The following NPHP1 variants were observed in gnomAD, a reference collection of about 807,000 sequenced individuals.
The protein encoded by NPHP1 is nephrocystin-1.
A neutral mutation model predicts 90.4 loss-of-function variants in NPHP1; 70 were observed. The ratio of observed to expected loss-of-function variants is 0.77; its 90% CI spans 0.64 to 0.95. The LOEUF (loss-of-function observed/expected upper bound fraction) is 0.95, where lower values mean the gene tolerates loss of function less well. Among genes scored for constraint, NPHP1 ranks in the 40% least tolerant of loss-of-function variants. The probability of loss-of-function intolerance (pLI) is 0.00; values close to 1 mark genes in which losing one functional copy is unlikely to be tolerated. For synonymous variants in NPHP1, 256 were observed against 271.7 expected, an observed-to-expected ratio of 0.94 and a Z score of 0.57; for missense variants, 764 against 795.9, an observed-to-expected ratio of 0.96 and a Z score of 0.48.
At chr2:110,149,406 A>G (rs574022232) in intron 12 of NPHP1, among the ~76,000 whole-genome samples, 69 of 152,148 alleles carry the variant, frequency 4.5e-4, no homozygotes, top group Non-Finnish European at 7.8e-4. Flanking sequence ...AAGAGAGGCC[A>G]TGCTTCTCAC....
intron 19 of NPHP1, 134 bp from the exon 20 acceptor site, chr2:110,124,197 C>A: frequency 1.0e-6 from 1 of 955,056 alleles, no homozygotes. Context: ...CGGCTCTGAG[C>A]CAGCTGCTCA....
intron 4 of NPHP1, among the ~76,000 whole-genome samples, chr2:110,173,872 C>A (rs531108799): frequency 1.3e-5 from 2 of 152,152 alleles, no homozygotes; most frequent in Admixed American, 1.3e-4. Flanking sequence ...GTTCTGGCAA[C>A]TTTTGCTTTA....
chr2:110,146,879 T>C, intron 13 of NPHP1, 44 bp from the exon 14 acceptor site: 1 of 1,398,094 alleles, frequency 7.2e-7, no homozygotes. Flanking sequence ...TCTGAACTAG[T>C]CAAATTTATA....
At position 110,135,409 on chromosome 2, in the gene NPHP1, G is replaced by A. The variant is rs1030314643; in HGVS notation, c.1530-3618C>T. Among the ~76,000 whole-genome samples the A allele has an allele frequency of 5.4e-5, 8 of 147,778 alleles. No individual in the cohort carries two copies. In the East Asian group the frequency reaches 1.4e-3, roughly 26 times the overall value. On this transcript the variant is annotated intron_variant, in intron 16 of 19. Transcript: ENST00000445609. ...GGAGAATGGCGTGAACCCGGGAGGC[G>A]GAGCTTGCAGTGAGCCGAGATTGCG...
At chr2:110,132,505 A>G (rs1299959526) in intron 16 of NPHP1, among the ~76,000 whole-genome samples, 1 of 152,206 alleles carries the variant, frequency 6.6e-6, no homozygotes, top group Admixed American at 6.5e-5. Context: ...AAATACAAAA[A>G]TTAGCCAGGT....
chr2:110,200,245 ACT>A (rs1304341632), intron 2 of NPHP1, among the ~76,000 whole-genome samples: 2 of 148,608 alleles, frequency 1.3e-5, no homozygotes, highest in Non-Finnish European at 3.0e-5. Flanking sequence ...ACAGAGAGAG[ACT>A]CTATCTCAAA....
At chr2:110,171,768 C>A (rs1683142949) in intron 4 of NPHP1, among the ~76,000 whole-genome samples, 1 of 152,072 alleles carries the variant, frequency 6.6e-6, no homozygotes, top group South Asian at 2.1e-4. Flanking sequence ...GGAACAAATT[C>A]CACTTGGTCA....
In NPHP1 at chr2:110,185,299, T is replaced by C. The variant is rs1187457126; in HGVS notation, c.144-5615A>G. The C allele has an allele frequency of 2.2e-4, 88 of 395,916 alleles. 1 individual carries two copies. The highest frequency in any genetic ancestry group is 3.0e-4 in the Non-Finnish European group (61 of 201,970). 24.5% of individuals were successfully genotyped at this position (395,916 alleles called of 1,614,324 possible). On this transcript the variant is annotated intron_variant, in intron 2 of 19. Coordinates refer to ENST00000445609, the MANE Select transcript of NPHP1 (RefSeq NM_001128178.3). ...GTGTGAGTGCATGTGTGTATACAAG[T>C]GTGTGAGCACATGCAAGTGCCATGT...
chr2:110,131,938 T>C, intron 16 of NPHP1, 147 bp from the exon 17 acceptor site: 1 of 634,670 alleles, frequency 1.6e-6, no homozygotes, highest in Non-Finnish European at 2.8e-6. Context: ...AAATTTCTAC[T>C]ACAAGTAGGC....
intron 14 of NPHP1, among the ~76,000 whole-genome samples, chr2:110,145,261 G>A (rs1680936290): frequency 6.6e-6 from 1 of 152,132 alleles, no homozygotes; most frequent in African/African-American, 2.4e-5. Flanking sequence ...CTGCTCCTCA[G>A]AGGCAACTTC....
At chr2:110,195,696 GTCAA>G (rs2104691076) in intron 2 of NPHP1, among the ~76,000 whole-genome samples, 1 of 152,218 alleles carries the variant, frequency 6.6e-6, no homozygotes, top group East Asian at 1.9e-4. Context: ...ACATTACCAA[GTCAA>G]TCCTAAGCCA....
chr2:110,196,737 A>G (rs1245940731), intron 2 of NPHP1, among the ~76,000 whole-genome samples: 1 of 152,196 alleles, frequency 6.6e-6, no homozygotes, highest in Admixed American at 6.5e-5. Context: ...CACAATAGCA[A>G]AGACTTGGAA....
chr2:110,161,029 G>A (rs1025296791), intron 10 of NPHP1, among the ~76,000 whole-genome samples: 3 of 152,048 alleles, frequency 2.0e-5, no homozygotes, highest in African/African-American at 7.2e-5. Flanking sequence ...ACCTGGGCAT[G>A]GTGGTGTAGG....
At chr2:110,204,278 AC>A (rs2104725969) in intron 1 of NPHP1, among the ~76,000 whole-genome samples, 1 of 152,260 alleles carries the variant, frequency 6.6e-6, no homozygotes, top group East Asian at 1.9e-4. Context: ...GTGATTTTTA[AC>A]ATTTTTGTGA....
intron 2 of NPHP1, chr2:110,184,299 G>C: frequency 1.7e-6 from 1 of 599,180 alleles, no homozygotes; most frequent in Non-Finnish European, 3.2e-6. Context: ...CATTGTCAAG[G>C]ACTGGAACGA....
At chr2:110,166,408 C>T (rs558113689) in intron 6 of NPHP1, among the ~76,000 whole-genome samples, 1 of 152,162 alleles carries the variant, frequency 6.6e-6, no homozygotes, top group Non-Finnish European at 1.5e-5. Flanking sequence ...CCCAAGACTT[C>T]CTTGCAGCTA....
At chr2:110,200,520 G>A (rs995173254) in intron 2 of NPHP1, among the ~76,000 whole-genome samples, 8 of 152,042 alleles carry the variant, frequency 5.3e-5, no homozygotes, top group Admixed American at 2.0e-4. Context: ...CCGAGATTGC[G>A]CCACTGCACT....
At chr2:110,148,368 T>C (rs1406582899) in intron 12 of NPHP1, among the ~76,000 whole-genome samples, 1 of 152,170 alleles carries the variant, frequency 6.6e-6, no homozygotes, top group Non-Finnish European at 1.5e-5. Context: ...GCTGAGCAGA[T>C]GCCTGTGCCA....
intron 2 of NPHP1, among the ~76,000 whole-genome samples, chr2:110,182,238 C>T (rs1683956449): frequency 1.3e-5 from 2 of 151,934 alleles, no homozygotes; most frequent in African/African-American, 4.8e-5. Context: ...AAGAATTCCC[C>T]CAACCTAGCA....
Sources: gnomAD v4.1 joint callset for allele counts (sites outside exome capture counted in the v4.1 genomes callset) on GRCh38, gnomAD v4.1.1 for gene constraint, MANE v1.5 for transcripts, NCBI Gene and HGNC (gene_info 2026-07-23, HGNC 2026-07-21) for gene names.